Variants in PACC1 observed in about 807,000 individuals in gnomAD.
PACC1 encodes the protein proton-activated chloride channel.
Under a neutral mutation model 39.7 loss-of-function variants are expected in PACC1, and 34 were observed. The observed-to-expected ratio is 0.86, with a 90% CI of 0.65 to 1.14. PACC1 has a LOEUF of 1.14. Ranked by LOEUF, PACC1 falls within the 50% of genes most tolerant of loss-of-function variation. The pLI, the probability that PACC1 is intolerant of heterozygous loss-of-function variation, is 0.00. For missense variants in PACC1, 379 were observed against 436.4 expected (o/e 0.87, Z 1.17); for synonymous variants, 127 against 160.6 (o/e 0.79, Z 1.58).
chr1:212,386,143 C>T lies in PACC1; in HGVS notation c.344-718G>A, dbSNP rs1385866269. Among the ~76,000 whole-genome samples, 1 of 152,154 alleles carries T rather than the reference C, an allele frequency of 6.6e-6. No homozygotes were observed. Among genetic ancestry groups the T allele is most frequent in the African/African-American group, 2.4e-5 (1 of 41,432 alleles). ...CTGGCAGGAAGCCCCAGAGAGAGGG[C>T]ACCCGGACTCTGGCTCTGCCATGTG... On this transcript the variant is annotated intron_variant, in intron 3 of 7. Transcript: ENST00000261455. This position sits in a 1 kb window ranked among gnomAD's most constrained non-coding sequence, Gnocchi z 5.0.
chr1:212,369,337 A>T (rs1660360190), intron 7 of PACC1, among the ~76,000 whole-genome samples: 1 of 152,246 alleles, frequency 6.6e-6, no homozygotes, highest in Admixed American at 6.5e-5. Context: ...AAAACGAAAT[A>T]GCCGTAGTAA....
chr1:212,365,367 C>T lies in PACC1; in HGVS notation c.901G>A (p.Ala301Thr), dbSNP rs1660196374. 1 of 1,607,916 alleles carries T rather than the reference C, an allele frequency of 6.2e-7. No homozygotes were observed. The highest frequency in any genetic ancestry group is 2.2e-5 in the East Asian group (1 of 44,604). The part of the protein sequence containing the change: ...FIQKVQDIVT[A>T]NPWNTIALLC... ...AGAGCAATTGTGTTCCAAGGATTGG[C>T]AGTGACTATCTGTGAAGCAAACAGA... The change falls in exon 8 of 8, where the codon GCC becomes ACC. Residue 301 changes from alanine to threonine, a missense_variant. Transcript: ENST00000261455.
At chr1:212,378,421 C>T (rs567509781) in intron 5 of PACC1, among the ~76,000 whole-genome samples, 221 of 152,280 alleles carry the variant, frequency 1.5e-3, no homozygotes, top group African/African-American at 4.8e-3. Flanking sequence ...GCAGAGGCTC[C>T]GAGCTCTGGG....
At chr1:212,413,615 A>T (rs1053984083) in intron 1 of PACC1, among the ~76,000 whole-genome samples, 1 of 152,192 alleles carries the variant, frequency 6.6e-6, no homozygotes, top group African/African-American at 2.4e-5. Context: ...TTTAAAACTG[A>T]GTTTCCACTG....
chr1:212,402,499 T>A (rs907113179), intron 2 of PACC1, among the ~76,000 whole-genome samples: 1 of 152,252 alleles, frequency 6.6e-6, no homozygotes, highest in Non-Finnish European at 1.5e-5. Context: ...TGCCCATTTT[T>A]AAACTGAGTT....
chr1:212,383,468 T>C (rs1018033026), intron 4 of PACC1, among the ~76,000 whole-genome samples: 3 of 152,210 alleles, frequency 2.0e-5, no homozygotes, highest in African/African-American at 7.2e-5. Context: ...GAGCTTCTAT[T>C]ATACATATAA....
intron 2 of PACC1, among the ~76,000 whole-genome samples, chr1:212,390,271 A>G (rs1396288232): frequency 2.0e-5 from 3 of 151,926 alleles, no homozygotes; most frequent in Non-Finnish European, 4.4e-5. Flanking sequence ...AAAAATACAA[A>G]AATGAGCTGG....
chr1:212,387,211 G>A, intron 2 of PACC1, 111 bp from the exon 3 acceptor site: 8 of 1,013,024 alleles, frequency 7.9e-6, no homozygotes, highest in Non-Finnish European at 1.2e-5. Context: ...GAAGTCACCT[G>A]CACGCCCAAC....
At position 212,386,820 on chromosome 1, in the gene PACC1, G is replaced by C. The variant is rs1661116062; in HGVS notation, c.343+71C>G. The C allele has an allele frequency of 6.8e-7, 1 of 1,473,980 alleles. No individual in the cohort carries two copies. Among genetic ancestry groups the C allele is most frequent in the Non-Finnish European group, 9.5e-7 (1 of 1,056,860 alleles). The allele number at this position is 1,473,980 out of a possible 1,614,324, so 91.3% of individuals were successfully genotyped here. A position where few individuals can be genotyped will look rare whatever the true frequency, so the allele number is the denominator to read the frequency against. ...CCGTAGTACCACAAATACAACGGCA[G>C]CTCAGGGAGTATCTGCCAGCTGACA... is the stretch of plus-strand genomic sequence containing the variant. On this transcript the variant is annotated intron_variant, in intron 3 of 7. Coordinates refer to ENST00000261455, the MANE Select transcript of PACC1 (RefSeq NM_018252.3). This position sits in a 1 kb window ranked among gnomAD's most constrained non-coding sequence, Gnocchi z 5.0.
intron 3 of PACC1, among the ~76,000 whole-genome samples, chr1:212,385,991 CCAGA>C (rs1305477293): frequency 6.6e-6 from 1 of 152,062 alleles, no homozygotes; most frequent in African/African-American, 2.4e-5. Context: ...CACTAAGACA[CCAGA>C]CAGAGAAAGT....
At chr1:212,410,844 G>C (rs1029482489) in intron 1 of PACC1, among the ~76,000 whole-genome samples, 2 of 152,212 alleles carry the variant, frequency 1.3e-5, no homozygotes, top group South Asian at 4.1e-4. Flanking sequence ...TCTTCTACGA[G>C]TGGTGAGGAA....
chr1:212,371,242 A>C (rs1027925407), intron 7 of PACC1, among the ~76,000 whole-genome samples: 7 of 46,162 alleles, frequency 1.5e-4, no homozygotes, highest in African/African-American at 5.8e-4. Flanking sequence ...ACTCCATTTC[A>C]AAAAAAAAAA....
chr1:212,400,240 T>A (rs1405902144), intron 2 of PACC1, among the ~76,000 whole-genome samples: 2 of 152,202 alleles, frequency 1.3e-5, no homozygotes, highest in Non-Finnish European at 2.9e-5. Flanking sequence ...GTGTGTCCAC[T>A]CTGCATTAAG....
chr1:212,408,700 C>T (rs1236607717), intron 2 of PACC1, among the ~76,000 whole-genome samples: 1 of 152,194 alleles, frequency 6.6e-6, no homozygotes, highest in Non-Finnish European at 1.5e-5. Flanking sequence ...GGCAGAACCA[C>T]ATTAGTTCCT....
chr1:212,371,023 A>G (rs1660431677), intron 7 of PACC1, among the ~76,000 whole-genome samples: 2 of 152,118 alleles, frequency 1.3e-5, no homozygotes, highest in African/African-American at 4.8e-5. Flanking sequence ...TGAGGCCGGC[A>G]GATCACAAGG....
At chr1:212,402,921 T>C (rs978678415) in intron 2 of PACC1, among the ~76,000 whole-genome samples, 2 of 152,204 alleles carry the variant, frequency 1.3e-5, no homozygotes, top group African/African-American at 4.8e-5. Context: ...CCCAAAGTGC[T>C]GGAATTACAG....
intron 5 of PACC1, among the ~76,000 whole-genome samples, chr1:212,379,303 G>GAT (rs1282890726): frequency 6.6e-6 from 1 of 152,198 alleles, no homozygotes; most frequent in East Asian, 1.9e-4. Flanking sequence ...TACAGTCTAT[G>GAT]ATATATATAA....
At chr1:212,405,858 T>C (rs1041953283) in intron 2 of PACC1, among the ~76,000 whole-genome samples, 6 of 152,032 alleles carry the variant, frequency 3.9e-5, no homozygotes, top group African/African-American at 9.7e-5. Context: ...AAAAGCCCTA[T>C]AGGCTCAGAG....
At chr1:212,414,668 C>T (rs1238424428) in intron 1 of PACC1, 54 bp downstream of exon 1, 1 of 1,608,526 alleles carries the variant, frequency 6.2e-7, no homozygotes, top group South Asian at 1.1e-5. Context: ...CCCAGGCCCC[C>T]GGGACCCTGC....
Sources: allele counts gnomAD v4.1 joint callset (sites outside exome capture counted in the v4.1 genomes callset), GRCh38; gene constraint gnomAD v4.1.1; non-coding constraint Gnocchi (gnomAD v3.1); transcripts MANE v1.5; gene names NCBI Gene and HGNC (gene_info 2026-07-23, HGNC 2026-07-21).